ZBTB20: variants seen among roughly 807,000 people sequenced by gnomAD.
ZBTB20 encodes zinc finger and BTB domain containing 20.
ZBTB20 carries 9 observed loss-of-function variants against 56.9 expected under a neutral mutation model. The observed-to-expected ratio is 0.16, with a 90% CI of 0.10 to 0.28. The LOEUF is 0.28. Ranked by LOEUF, ZBTB20 falls within the 10% of genes least tolerant of loss-of-function variation. The pLI is 1.00. For missense variants in ZBTB20, 655 were observed against 1,003.0 expected (o/e 0.65, Z 4.69); for synonymous variants, 417 against 420.7 (o/e 0.99, Z 0.11).
At chr3:114,640,879 C>A (rs1167792668) in intron 6 of ZBTB20, among the ~76,000 whole-genome samples, 2 of 151,792 alleles carry the variant, frequency 1.3e-5, no homozygotes, top group Non-Finnish European at 2.9e-5. Context: ...AATTTTAGGT[C>A]ATTTTTTTTT....
At chr3:114,760,970 T>G (rs564672733) in intron 5 of ZBTB20, among the ~76,000 whole-genome samples, 1 of 152,292 alleles carries the variant, frequency 6.6e-6, no homozygotes, top group South Asian at 2.1e-4. Flanking sequence ...AGAGTGCAAA[T>G]GTTAAATGAG....
intron 5 of ZBTB20, among the ~76,000 whole-genome samples, chr3:114,785,942 C>T (rs1380830353): frequency 6.6e-6 from 1 of 152,056 alleles, no homozygotes; most frequent in Non-Finnish European, 1.5e-5. Flanking sequence ...TATCCCTGTC[C>T]CCAGCTCCTG....
At chr3:115,004,319 C>T (rs1212721796) in intron 2 of ZBTB20, among the ~76,000 whole-genome samples, 1 of 151,642 alleles carries the variant, frequency 6.6e-6, no homozygotes, top group Non-Finnish European at 1.5e-5. Flanking sequence ...TCTAAAATGA[C>T]CAAAAAGATG....
intron 3 of ZBTB20, among the ~76,000 whole-genome samples, chr3:114,933,066 T>A (rs748217265): frequency 6.6e-6 from 1 of 152,072 alleles, no homozygotes; most frequent in Non-Finnish European, 1.5e-5. Context: ...ATTCTATACA[T>A]TGCACTGAGG....
chr3:114,388,682 GCAAA>G (rs1389619243), intron 8 of ZBTB20: 2 of 152,384 alleles, frequency 1.3e-5, no homozygotes, highest in African/African-American at 4.8e-5. Context: ...ATGATGAGAA[GCAAA>G]CAGATTAGGA....
At chr3:114,967,214 T>C (rs1040949972) in intron 3 of ZBTB20, among the ~76,000 whole-genome samples, 1 of 152,074 alleles carries the variant, frequency 6.6e-6, no homozygotes, top group Admixed American at 6.6e-5. Flanking sequence ...AGAAAACCTG[T>C]TCAGAAGTGA....
intron 6 of ZBTB20, among the ~76,000 whole-genome samples, chr3:114,625,661 A>T (rs1429748905): frequency 2.6e-5 from 4 of 152,028 alleles, no homozygotes; most frequent in Non-Finnish European, 5.9e-5. Flanking sequence ...TAATGATAAA[A>T]CATAGGGGAA....
chr3:114,542,921 A>G (rs1339174898), intron 6 of ZBTB20, among the ~76,000 whole-genome samples: 1 of 152,206 alleles, frequency 6.6e-6, no homozygotes, highest in African/African-American at 2.4e-5. Flanking sequence ...GATGCAACAA[A>G]TGGGTTTAAA....
chr3:114,843,554 A>C (rs997924215), intron 4 of ZBTB20, among the ~76,000 whole-genome samples: 3 of 152,220 alleles, frequency 2.0e-5, no homozygotes, highest in Admixed American at 1.3e-4. Flanking sequence ...TATATTTTAC[A>C]GATGGTGTTT....
intron 6 of ZBTB20, among the ~76,000 whole-genome samples, chr3:114,522,933 C>T (rs2046802408): frequency 6.6e-6 from 1 of 152,070 alleles, no homozygotes; most frequent in Admixed American, 6.6e-5. Flanking sequence ...GCCTAGAATT[C>T]TGTGTAAAGG....
At chr3:114,423,915 C>T (rs1055960617) in intron 7 of ZBTB20, among the ~76,000 whole-genome samples, 10 of 152,292 alleles carry the variant, frequency 6.6e-5, no homozygotes, top group South Asian at 2.1e-4. Flanking sequence ...ACTGAGCCAT[C>T]CCACATGCTA....
intron 2 of ZBTB20, among the ~76,000 whole-genome samples, chr3:115,025,102 C>T (rs941431392): frequency 6.6e-6 from 1 of 151,252 alleles, no homozygotes; most frequent in African/African-American, 2.4e-5. Flanking sequence ...CTCCCACCTT[C>T]CATCCTCTGA....
At chr3:114,967,008 C>A (rs1282576470) in intron 3 of ZBTB20, among the ~76,000 whole-genome samples, 2 of 152,116 alleles carry the variant, frequency 1.3e-5, no homozygotes, top group Admixed American at 6.6e-5. Context: ...TTATGAAACA[C>A]ATCACGCTAG....
rs182760187 is a variant in ZBTB20 at position 114,606,796 on chromosome 3, T to A, written c.-295+86732A>T. ...CAAGCCATGGCTATTTTTGAATATT[T>A]AAAAAAAACATTTTTGCGGCCAGGC... On this transcript the variant is annotated intron_variant, in intron 6 of 11. Transcript: ENST00000675478. Among the ~76,000 whole-genome samples, 1,306 of 152,032 alleles carry A rather than the reference T, an allele frequency of 8.6e-3. 18 individuals carry two copies. The highest frequency in any genetic ancestry group is 7.1e-3 in the Non-Finnish European group (486 of 67,990).
At chr3:114,507,794 A>G (rs1255889619) in intron 6 of ZBTB20, among the ~76,000 whole-genome samples, 1 of 152,166 alleles carries the variant, frequency 6.6e-6, no homozygotes, top group Non-Finnish European at 1.5e-5. Context: ...ATTATACAGA[A>G]TCACAATACA....
intron 4 of ZBTB20, among the ~76,000 whole-genome samples, chr3:114,832,865 T>C (rs1385881781): frequency 6.6e-6 from 1 of 152,164 alleles, no homozygotes; most frequent in Non-Finnish European, 1.5e-5. Flanking sequence ...TCAGTCTAAG[T>C]AGGTGTGAAG....
At chr3:114,372,134 T>C (rs1005939115) in intron 10 of ZBTB20, among the ~76,000 whole-genome samples, 1 of 152,206 alleles carries the variant, frequency 6.6e-6, no homozygotes, top group Non-Finnish European at 1.5e-5. Flanking sequence ...AGTAAGGATG[T>C]GAGAAGTCTT....
chr3:114,459,194 C>A (rs1004462324), intron 7 of ZBTB20, among the ~76,000 whole-genome samples: 4 of 152,068 alleles, frequency 2.6e-5, no homozygotes, highest in Non-Finnish European at 4.4e-5. Context: ...TTTCAAGCAC[C>A]TTTTTTTCTG....
At chr3:114,984,044 T>C (rs974578030) in intron 2 of ZBTB20, among the ~76,000 whole-genome samples, 2 of 151,938 alleles carry the variant, frequency 1.3e-5, no homozygotes, top group Non-Finnish European at 2.9e-5. Flanking sequence ...CAAAGGTGTA[T>C]TGATATGATA....
Sources: allele counts gnomAD v4.1 joint callset (sites outside exome capture counted in the v4.1 genomes callset), GRCh38; gene constraint gnomAD v4.1.1; transcripts MANE v1.5; gene names NCBI Gene and HGNC (gene_info 2026-07-23, HGNC 2026-07-21).